Variants in MAP4K4 observed in about 807,000 individuals in gnomAD.
MAP4K4 encodes the protein HPK/GCK-like kinase HGK.
Under a neutral mutation model 189.6 loss-of-function variants are expected in MAP4K4, and 38 were observed. The ratio of observed to expected loss-of-function variants is 0.20; its 90% CI spans 0.15 to 0.26. MAP4K4 has a LOEUF of 0.26. Ranked by LOEUF, MAP4K4 falls within the 10% of genes least tolerant of loss-of-function variation. The probability of loss-of-function intolerance (pLI) is 1.00; values close to 1 mark genes in which losing one functional copy is unlikely to be tolerated. For synonymous variants in MAP4K4, 610 were observed against 624.3 expected, an observed-to-expected ratio of 0.98 and a Z score of 0.34; for missense variants, 1,054 against 1,726.9, an observed-to-expected ratio of 0.61 and a Z score of 6.91.
intron 5 of MAP4K4, among the ~76,000 whole-genome samples, chr2:101,825,920 G>T (rs1576323983): frequency 6.6e-6 from 1 of 152,206 alleles, no homozygotes; most frequent in African/African-American, 2.4e-5. Flanking sequence ...CATTTGAAAA[G>T]CTGGCTAATG....
chr2:101,767,841 T>C (rs1486024527), intron 2 of MAP4K4, among the ~76,000 whole-genome samples: 1 of 152,242 alleles, frequency 6.6e-6, no homozygotes, highest in East Asian at 1.9e-4. Flanking sequence ...TGCTAATAAC[T>C]GGGCTAGAAT....
chr2:101,791,709 C>G (rs1167651376), intron 3 of MAP4K4, among the ~76,000 whole-genome samples: 1 of 152,170 alleles, frequency 6.6e-6, no homozygotes, highest in Non-Finnish European at 1.5e-5. Flanking sequence ...AAAATCTCCT[C>G]CTTTGCCTTG....
exon 33 of MAP4K4, chr2:101,892,588 A>G: frequency 3.5e-6 from 1 of 284,024 alleles, no homozygotes; most frequent in Non-Finnish European, 6.9e-6. Context: ...GGGGTGGGGG[A>G]GTTTCCCTTT....
chr2:101,748,855 T>C (rs2067016051), intron 2 of MAP4K4, among the ~76,000 whole-genome samples: 1 of 146,662 alleles, frequency 6.8e-6, no homozygotes, highest in Admixed American at 7.0e-5. Flanking sequence ...AGCATTCTTA[T>C]ACACCAACAA....
At chr2:101,881,832 C>G (rs188748357) in intron 27 of MAP4K4, among the ~76,000 whole-genome samples, 30 of 151,926 alleles carry the variant, frequency 2.0e-4, no homozygotes, top group Non-Finnish European at 3.7e-4. Context: ...TGACGTTGCC[C>G]CCCATCATTT....
chr2:101,800,231 G>T lies in MAP4K4; in HGVS notation c.180+9455G>T, dbSNP rs893700312. On this transcript the variant is annotated intron_variant, in intron 3 of 32. Transcript: ENST00000324219. ...TGCAGCTTCAACTTCCCAGGCTCAA[G>T]AGATCTTCCCACCTCAGCTTCCCGA... Among the ~76,000 whole-genome samples the T allele has an allele frequency of 2.0e-5, 3 of 152,126 alleles. No individual in the cohort carries two copies. In the East Asian group the frequency reaches 5.8e-4, roughly 29 times the overall value.
At chr2:101,698,204 C>A in intron 1 of MAP4K4, 67 bp downstream of exon 1, 3 of 792,538 alleles carry the variant, frequency 3.8e-6, no homozygotes, top group South Asian at 1.1e-4. Flanking sequence ...GGGCCGCGCC[C>A]AGGTCGGCCG....
At chr2:101,788,930 C>T (rs763982872) in intron 2 of MAP4K4, among the ~76,000 whole-genome samples, 16 of 152,026 alleles carry the variant, frequency 1.1e-4, no homozygotes, top group Non-Finnish European at 2.2e-4. Flanking sequence ...TTCATAGACC[C>T]GTGGATTTTC....
At chr2:101,778,800 C>T (rs1433954533) in intron 2 of MAP4K4, among the ~76,000 whole-genome samples, 1 of 152,098 alleles carries the variant, frequency 6.6e-6, no homozygotes, top group African/African-American at 2.4e-5. Context: ...GGGGTGGAAG[C>T]AGGTTCTGGA....
intron 3 of MAP4K4, chr2:101,797,208 C>T: frequency 7.8e-7 from 1 of 1,283,198 alleles, no homozygotes; most frequent in Non-Finnish European, 1.0e-6. Flanking sequence ...AAGGAGAGAT[C>T]TCTGTGGCCT....
chr2:101,830,650 C>T (rs1480886897), intron 6 of MAP4K4, among the ~76,000 whole-genome samples: 1 of 152,172 alleles, frequency 6.6e-6, no homozygotes, highest in Non-Finnish European at 1.5e-5. Flanking sequence ...GGAAACTCCC[C>T]TCAGAGCTAA....
chr2:101,846,782 A>T (rs375716077), intron 12 of MAP4K4, among the ~76,000 whole-genome samples: 1 of 152,230 alleles, frequency 6.6e-6, no homozygotes, highest in South Asian at 2.1e-4. Flanking sequence ...TTGGAATGGG[A>T]AAAGTCACAT....
In MAP4K4 at chr2:101,893,144, C is replaced by T. The variant is rs770126810; in HGVS notation, c.*1895C>T. 3.1e-5 allele frequency: 14 copies of T among 456,324 alleles called. No homozygotes were observed. The Admixed American group carries it at 3.3e-4, about 11-fold the overall frequency. 28.3% of individuals were successfully genotyped at this position (456,324 alleles called of 1,614,324 possible). On this transcript the variant is annotated 3_prime_UTR_variant, in exon 33 of 33. Coordinates refer to ENST00000324219, the Ensembl canonical transcript of MAP4K4. ...CTGACCTCTTGTCAGTTTCCTGTTC[C>T]TGGTTCCATCTTTTTGAAAAAGGCC...
At chr2:101,888,870 T>C (rs2098525166) in exon 32 of MAP4K4, 1 of 1,613,652 alleles carries the variant, frequency 6.2e-7, no homozygotes, top group Admixed American at 1.7e-5. Flanking sequence ...AACTGGTCAC[T>C]TGGATGGTGT....
intron 8 of MAP4K4, among the ~76,000 whole-genome samples, chr2:101,835,240 A>T (rs962884471): frequency 5.9e-5 from 9 of 152,218 alleles, no homozygotes; most frequent in Non-Finnish European, 1.2e-4. Flanking sequence ...TTTGTTCACA[A>T]GGGGAATAGT....
intron 16 of MAP4K4, among the ~76,000 whole-genome samples, chr2:101,862,975 A>C (rs1183992571): frequency 6.6e-6 from 1 of 152,214 alleles, no homozygotes; most frequent in Non-Finnish European, 1.5e-5. Flanking sequence ...TTGAACAATC[A>C]TTTTAGAACA....
intron 6 of MAP4K4, among the ~76,000 whole-genome samples, chr2:101,831,200 C>T (rs989751189): frequency 2.6e-5 from 4 of 151,946 alleles, no homozygotes; most frequent in African/African-American, 4.8e-5. Flanking sequence ...AGCAGAAGTT[C>T]CAAGTGCTTT....
At chr2:101,841,201 T>C (rs2096908177) in intron 10 of MAP4K4, among the ~76,000 whole-genome samples, 1 of 152,194 alleles carries the variant, frequency 6.6e-6, no homozygotes, top group African/African-American at 2.4e-5. Context: ...ACCTCTTCAT[T>C]TTCTTTTTGG....
At chr2:101,745,040 T>C (rs1328756163) in intron 2 of MAP4K4, among the ~76,000 whole-genome samples, 1 of 152,208 alleles carries the variant, frequency 6.6e-6, no homozygotes, top group African/African-American at 2.4e-5. Context: ...CTTCACTTAC[T>C]GGATGAGTAG....
Sources: gnomAD v4.1 joint callset for allele counts (sites outside exome capture counted in the v4.1 genomes callset) on GRCh38, gnomAD v4.1.1 for gene constraint, MANE v1.5 for transcripts, NCBI Gene and HGNC (gene_info 2026-07-23, HGNC 2026-07-21) for gene names.